PDCD6: variants seen among roughly 807,000 people sequenced by gnomAD.
PDCD6 encodes programmed cell death protein 6.
Under a neutral mutation model 28.3 loss-of-function variants are expected in PDCD6, and 12 were observed. That is an observed-to-expected ratio of 0.42 (90% CI 0.27 to 0.69). The LOEUF (loss-of-function observed/expected upper bound fraction) is 0.69. PDCD6 is among the 30% of genes least tolerant of loss of function. The pLI, the probability that PDCD6 is intolerant of heterozygous loss-of-function variation, is 0.22. For synonymous variants in PDCD6, 92 were observed against 108.0 expected (o/e 0.85, Z 0.92); for missense variants, 226 against 269.9 (o/e 0.84, Z 1.14).
chr5:306,931 C>T (rs980938623), intron 4 of PDCD6, among the ~76,000 whole-genome samples, 171 bp downstream of exon 4: 14 of 152,276 alleles, frequency 9.2e-5, no homozygotes, highest in African/African-American at 2.2e-4. Flanking sequence ...AGGCGATCCT[C>T]GACATGGATA....
At chr5:297,139 A>G (rs1380410427) in intron 2 of PDCD6, among the ~76,000 whole-genome samples, 3 of 152,082 alleles carry the variant, frequency 2.0e-5, no homozygotes, top group African/African-American at 7.2e-5. Context: ...CTGTTATCAC[A>G]GCTTCTCCCC....
intron 4 of PDCD6, chr5:309,285 A>G (rs1740739443): frequency 1.3e-5 from 2 of 155,256 alleles, no homozygotes; most frequent in African/African-American, 2.4e-5. Context: ...TGGTGGCCTC[A>G]TGTGGACTGA....
At chr5:296,428 CTGTT>C (rs1181657899) in intron 2 of PDCD6, among the ~76,000 whole-genome samples, 1 of 152,190 alleles carries the variant, frequency 6.6e-6, no homozygotes, top group African/African-American at 2.4e-5. Context: ...CCTGGTGTCA[CTGTT>C]TGCACAGACC....
At chr5:312,168 T>A (rs1461427172) in intron 5 of PDCD6, 2 of 152,294 alleles carry the variant, frequency 1.3e-5, no homozygotes, top group African/African-American at 2.4e-5. Flanking sequence ...GAGCTGGTAA[T>A]GCACCCTGAC....
At chr5:278,689 G>A (rs1258157216) in intron 2 of PDCD6, among the ~76,000 whole-genome samples, 4 of 151,008 alleles carry the variant, frequency 2.6e-5, no homozygotes, top group African/African-American at 7.3e-5. Flanking sequence ...CTCCAGCCTG[G>A]GTGACAGAGC....
chr5:279,927 G>A (rs1253422028), intron 2 of PDCD6, among the ~76,000 whole-genome samples: 7 of 146,616 alleles, frequency 4.8e-5, no homozygotes, highest in Non-Finnish European at 7.4e-5. Context: ...CCGAGTGCTA[G>A]GAGAGCATCT....
chr5:293,364 G>A (rs922102966), intron 2 of PDCD6, among the ~76,000 whole-genome samples: 1 of 104,630 alleles, frequency 9.6e-6, no homozygotes, highest in East Asian at 2.2e-4. Context: ...AGCTGCAAAC[G>A]CCTGCGATAA....
intron 2 of PDCD6, among the ~76,000 whole-genome samples, chr5:277,651 GTCTTGATCTCCTGACC>G (rs1274655113): frequency 6.6e-6 from 1 of 152,106 alleles, no homozygotes. Flanking sequence ...AGCTAGGATG[GTCTTGATCTCCTGACC>G]TCTTGATCTG....
intron 2 of PDCD6, among the ~76,000 whole-genome samples, chr5:299,749 CCAT>C (rs1739918481): frequency 6.6e-6 from 1 of 152,164 alleles, no homozygotes; most frequent in Non-Finnish European, 1.5e-5. Flanking sequence ...TGGGGTTTCA[CCAT>C]ATTAGCCAGG....
intron 2 of PDCD6, among the ~76,000 whole-genome samples, chr5:296,888 A>G (rs1739650646): frequency 6.6e-6 from 1 of 151,850 alleles, no homozygotes; most frequent in Non-Finnish European, 1.5e-5. Context: ...ATTCGTCTTT[A>G]TGCCTCCCCA....
chr5:296,789 G>A (rs1479717582), intron 2 of PDCD6, among the ~76,000 whole-genome samples: 5 of 152,066 alleles, frequency 3.3e-5, no homozygotes, highest in African/African-American at 1.2e-4. Flanking sequence ...GGGGCCCGTC[G>A]AGGCCCCTCT....
rs777330296 is a variant in PDCD6, at chr5:272,856, T to A, written c.163+84T>A. 4.3e-5 allele frequency: 66 copies of A among 1,530,174 alleles called. 6 individuals are homozygous for A. The South Asian group carries it at 6.6e-4, about 15-fold the overall frequency. The allele number at this position is 1,530,174 out of a possible 1,614,324, so 94.8% of individuals were successfully genotyped here. A position where few individuals can be genotyped will look rare whatever the true frequency, so the allele number is the denominator to read the frequency against. The stretch of plus-strand genomic sequence containing the variant: ...CACAGTGGATAACTTTCTGAAGTTG[T>A]TTTTCCAAGGACAAAGGAATCATTA... On this transcript the variant is annotated intron_variant, in intron 2 of 5. Coordinates refer to ENST00000264933, the MANE Select transcript of PDCD6 (RefSeq NM_013232.4).
At chr5:282,835 AG>A (rs1319840021) in intron 2 of PDCD6, among the ~76,000 whole-genome samples, 53 of 151,020 alleles carry the variant, frequency 3.5e-4, no homozygotes, top group African/African-American at 9.8e-4. Context: ...TTGCAGCTGC[AG>A]ACGTGGAGAA....
chr5:314,676 G>A lies in PDCD6; in HGVS notation c.*161G>A, dbSNP rs1268991874. ...ACATATGTGGATAAGCTGATTAATG[G>A]TTTTGCAACTGTAATAGTAGCTGTA... On this transcript the variant is annotated 3_prime_UTR_variant, in exon 6 of 6. Transcript: ENST00000264933. 3 of 697,212 alleles carry A rather than the reference G, an allele frequency of 4.3e-6. No individual in the cohort carries two copies. The highest frequency in any genetic ancestry group is 3.0e-5 in the South Asian group (2 of 66,772). 43.2% of individuals were successfully genotyped at this position (697,212 alleles called of 1,614,324 possible).
chr5:287,137 CAG>C (rs560433619), intron 2 of PDCD6, among the ~76,000 whole-genome samples: 111 of 152,006 alleles, frequency 7.3e-4, no homozygotes, highest in African/African-American at 2.5e-3. Flanking sequence ...CTGAGGGTCT[CAG>C]AGCTGGAGCG....
At position 284,991 on chromosome 5, in the gene PDCD6, C is replaced by G. The variant is rs895976710; in HGVS notation, c.163+12219C>G. 9.9e-4 allele frequency among the ~76,000 whole-genome samples: 141 copies of G among 142,156 alleles called. 1 individual carries two copies. Among genetic ancestry groups the G allele is most frequent in the Non-Finnish European group, 1.3e-3 (82 of 65,516 alleles). 93.3% of individuals were successfully genotyped at this position (142,156 alleles called of 152,430 possible). A position where few individuals can be genotyped will look rare whatever the true frequency, so the allele number is the denominator to read the frequency against. ...CTGCACAGCTCTCAAACTGGAACAT[C>G]GGTTCCCATCCGGGTCTCCAGCTGC... On this transcript the variant is annotated intron_variant, in intron 2 of 5. Coordinates refer to ENST00000264933, the MANE Select transcript of PDCD6 (RefSeq NM_013232.4).
chr5:311,757 G>A (rs1335569873), intron 5 of PDCD6: 3 of 248,502 alleles, frequency 1.2e-5, no homozygotes, highest in South Asian at 4.5e-5. Context: ...GCAGTGGCAC[G>A]ATCCCGGCTC....
At chr5:274,832 T>C (rs1738084561) in intron 2 of PDCD6, among the ~76,000 whole-genome samples, 1 of 152,214 alleles carries the variant, frequency 6.6e-6, no homozygotes, top group Admixed American at 6.5e-5. Context: ...TGTATATAGC[T>C]CTTTAACCAT....
chr5:277,899 T>TGAG lies in PDCD6; in HGVS notation c.163+5128_163+5130dup, dbSNP rs1473213858. 4.8e-5 allele frequency among the ~76,000 whole-genome samples: 6 copies of TGAG among 125,180 alleles called. No homozygotes were observed. In the East Asian group the frequency reaches 1.3e-3, roughly 27 times the overall value. The allele number at this position is 125,180 out of a possible 152,430, so 82.1% of individuals were successfully genotyped here. ...CACTGCACTCCAGCCTGGGGGGCAG[T>TGAG]GAGACTCCATCTCAAAAAAAAAAAA... On this transcript the variant is annotated intron_variant, in intron 2 of 5. Transcript: ENST00000264933.
Sources: allele counts gnomAD v4.1 joint callset (sites outside exome capture counted in the v4.1 genomes callset), GRCh38; gene constraint gnomAD v4.1.1; transcripts MANE v1.5; gene names NCBI Gene and HGNC (gene_info 2026-07-23, HGNC 2026-07-21).